LINGO2: variants seen among roughly 807,000 people sequenced by gnomAD.
LINGO2 encodes the protein leucine-rich repeat and immunoglobulin-like domain-containing nogo receptor-interacting protein 2.
LINGO2 carries 14 observed loss-of-function variants against 30.6 expected under a neutral mutation model. That is an observed-to-expected ratio of 0.46 (90% confidence interval 0.30 to 0.72). The LOEUF (loss-of-function observed/expected upper bound fraction) is 0.72. Ranked by LOEUF, LINGO2 falls within the 30% of genes least tolerant of loss-of-function variation. The pLI, the probability that LINGO2 is intolerant of heterozygous loss-of-function variation, is 0.07. For synonymous variants in LINGO2, 317 were observed against 288.5 expected, an observed-to-expected ratio of 1.10 and a Z score of -1.00; for missense variants, 729 against 751.7, an observed-to-expected ratio of 0.97 and a Z score of 0.35.
At chr9:28,223,892 A>C (rs1373331705) in intron 4 of LINGO2, among the ~76,000 whole-genome samples, 1 of 152,160 alleles carries the variant, frequency 6.6e-6, no homozygotes, top group African/African-American at 2.4e-5. Flanking sequence ...AAAATAAGAT[A>C]ATGGGTTTTG....
chr9:28,903,915 A>C, the LINGO2 span, among the ~76,000 whole-genome samples: 2 of 28,718 alleles, frequency 7.0e-5, no homozygotes. Context: ...GGACAGTGTA[A>C]AAAAACTTAA....
intron 1 of LINGO2, among the ~76,000 whole-genome samples, chr9:28,638,983 T>C (rs1294073344): frequency 6.6e-6 from 1 of 152,144 alleles, no homozygotes. Flanking sequence ...TTCTGCACAC[T>C]GCTTTAAATG....
At chr9:28,428,863 G>A (rs1823525536) in intron 2 of LINGO2, among the ~76,000 whole-genome samples, 1 of 152,118 alleles carries the variant, frequency 6.6e-6, no homozygotes, top group African/African-American at 2.4e-5. Flanking sequence ...CATTTAGGGA[G>A]AATGTAAAGT....
chr9:28,870,987 T>C, the LINGO2 span, among the ~76,000 whole-genome samples: 1 of 151,890 alleles, frequency 6.6e-6, no homozygotes, highest in South Asian at 2.1e-4. Context: ...AATGTCAAAA[T>C]TTCAAAATGA....
chr9:28,212,524 G>A (rs1286181422), intron 4 of LINGO2, among the ~76,000 whole-genome samples: 2 of 151,164 alleles, frequency 1.3e-5, no homozygotes, highest in African/African-American at 4.8e-5. Context: ...AAAAAATTGT[G>A]TATCTTCCTA....
the LINGO2 span, among the ~76,000 whole-genome samples, chr9:29,143,166 T>C: frequency 6.6e-6 from 1 of 152,194 alleles, no homozygotes; most frequent in African/African-American, 2.4e-5. Context: ...AGTGGAAGTC[T>C]TTTCATGGTG....
the LINGO2 span, among the ~76,000 whole-genome samples, chr9:28,844,478 TA>T: frequency 6.6e-6 from 1 of 151,918 alleles, no homozygotes; most frequent in Non-Finnish European, 1.5e-5. Context: ...AAACATTGGA[TA>T]AAAAGTTTAT....
chr9:28,932,949 C>T, the LINGO2 span, among the ~76,000 whole-genome samples: 1 of 151,822 alleles, frequency 6.6e-6, no homozygotes, highest in Non-Finnish European at 1.5e-5. Context: ...CTCTGTCACC[C>T]AGGCTGGAAT....
At chr9:28,466,162 T>C (rs756625677) in intron 2 of LINGO2, among the ~76,000 whole-genome samples, 10 of 152,184 alleles carry the variant, frequency 6.6e-5, no homozygotes, top group Admixed American at 2.6e-4. Flanking sequence ...ATACCTGCAC[T>C]CCTATGTTTA....
intron 4 of LINGO2, among the ~76,000 whole-genome samples, chr9:28,163,677 A>G (rs1828349099): frequency 6.6e-6 from 1 of 152,132 alleles, no homozygotes; most frequent in African/African-American, 2.4e-5. Context: ...AGACTCACCA[A>G]CCAAATCAAA....
At chr9:28,110,050 T>G (rs1826727085) in intron 4 of LINGO2, among the ~76,000 whole-genome samples, 1 of 152,032 alleles carries the variant, frequency 6.6e-6, no homozygotes, top group Non-Finnish European at 1.5e-5. Flanking sequence ...AACAGATATC[T>G]AGGACAATGG....
At chr9:27,976,941 G>C (rs1006808275) in intron 5 of LINGO2, among the ~76,000 whole-genome samples, 4 of 151,730 alleles carry the variant, frequency 2.6e-5, no homozygotes, top group Non-Finnish European at 4.4e-5. Context: ...TTAAATCTAA[G>C]TTTGTTTCTA....
intron 4 of LINGO2, among the ~76,000 whole-genome samples, chr9:28,021,580 AAG>A (rs1280721641): frequency 1.3e-5 from 2 of 152,082 alleles, no homozygotes; most frequent in Admixed American, 1.3e-4. Flanking sequence ...CAATTATTGA[AAG>A]AGAGCTGTTA....
chr9:27,970,148 C>T (rs1167268982), intron 5 of LINGO2, among the ~76,000 whole-genome samples: 1 of 152,084 alleles, frequency 6.6e-6, no homozygotes, highest in Non-Finnish European at 1.5e-5. Context: ...ATAGACTATA[C>T]CACACACACT....
chr9:28,079,075 T>A (rs948914616), intron 4 of LINGO2, among the ~76,000 whole-genome samples: 1 of 148,742 alleles, frequency 6.7e-6, no homozygotes. Context: ...ATTCTTTAAA[T>A]TAAGATTTAA....
chr9:28,944,919 A>G, the LINGO2 span, among the ~76,000 whole-genome samples: 1 of 152,234 alleles, frequency 6.6e-6, no homozygotes, highest in Non-Finnish European at 1.5e-5. Flanking sequence ...TCTACAAAAC[A>G]GATGAAATAG....
At chr9:28,570,244 A>C (rs1823615797) in intron 1 of LINGO2, among the ~76,000 whole-genome samples, 1 of 151,960 alleles carries the variant, frequency 6.6e-6, no homozygotes, top group Admixed American at 6.6e-5. Flanking sequence ...AACTGAACAA[A>C]CAGGAAATGG....
At chr9:29,091,574 C>T in the LINGO2 span, among the ~76,000 whole-genome samples, 1 of 151,944 alleles carries the variant, frequency 6.6e-6, no homozygotes, top group Non-Finnish European at 1.5e-5. Context: ...AATCTGGGCA[C>T]CTGAGAAATG....
chr9:28,064,193 G>A (rs893817241), intron 4 of LINGO2, among the ~76,000 whole-genome samples: 1 of 152,088 alleles, frequency 6.6e-6, no homozygotes, highest in Non-Finnish European at 1.5e-5. Flanking sequence ...AGTCATTGTG[G>A]TCTCTTGCTG....
Sources: gnomAD v4.1 joint callset for allele counts (sites outside exome capture counted in the v4.1 genomes callset) on GRCh38, gnomAD v4.1.1 for gene constraint, MANE v1.5 for transcripts, NCBI Gene and HGNC (gene_info 2026-07-23, HGNC 2026-07-21) for gene names.